MDGA2: variants seen among roughly 807,000 people sequenced by gnomAD.
The protein encoded by MDGA2 is MAM domain containing glycosylphosphatidylinositol anchor 2, also known as MAM domain-containing glycosylphosphatidylinositol anchor protein 2.
A neutral mutation model predicts 117.8 loss-of-function variants in MDGA2; 40 were observed. That is an observed-to-expected ratio of 0.34 (90% confidence interval 0.26 to 0.44). The LOEUF (loss-of-function observed/expected upper bound fraction) is 0.44, where lower values mean the gene tolerates loss of function less well. Among genes scored for constraint, MDGA2 ranks in the 20% least tolerant of loss-of-function variants. MDGA2 has a pLI of 1.00. For synonymous variants in MDGA2, 452 were observed against 439.0 expected, an observed-to-expected ratio of 1.03 and a Z score of -0.37; for missense variants, 1,123 against 1,250.6, an observed-to-expected ratio of 0.90 and a Z score of 1.54.
At chr14:46,876,409 A>T (rs950704517) in intron 12 of MDGA2, among the ~76,000 whole-genome samples, 2 of 151,584 alleles carry the variant, frequency 1.3e-5, no homozygotes, top group Admixed American at 6.6e-5. Flanking sequence ...ATGATAACGC[A>T]ATGAGCTGTA....
intron 1 of MDGA2, among the ~76,000 whole-genome samples, chr14:47,670,711 C>T (rs1033121918): frequency 3.9e-5 from 6 of 152,102 alleles, no homozygotes; most frequent in Non-Finnish European, 7.4e-5. Flanking sequence ...AAATTAATAA[C>T]GTGAAAAATA....
At position 46,855,978 on chromosome 14, in the gene MDGA2, C is replaced by CTGTA. The variant is rs1350497861; in HGVS notation, c.2753-828_2753-825dup. On this transcript the variant is annotated intron_variant, in intron 14 of 16. Coordinates refer to ENST00000399232, the MANE Select transcript of MDGA2 (RefSeq NM_001113498.3). This position sits in a 1 kb window ranked among gnomAD's most constrained non-coding sequence, Gnocchi z 4.1. ...ATCTCTCTTTCAATAGTTTAATGTG[C>CTGTA]TGTACACAGTAATGATATTAATGAT... Among the ~76,000 whole-genome samples, 5 of 151,910 alleles carry CTGTA rather than the reference C, an allele frequency of 3.3e-5. No individual in the cohort carries two copies. The highest frequency in any genetic ancestry group is 3.3e-4 in the Admixed American group (5 of 15,232).
intron 2 of MDGA2, among the ~76,000 whole-genome samples, chr14:47,237,380 A>G (rs1374181160): frequency 1.3e-5 from 2 of 152,168 alleles, no homozygotes; most frequent in Non-Finnish European, 2.9e-5. Context: ...ACTTACCTTT[A>G]TACCTCTGAA....
chr14:47,112,339 C>T lies in MDGA2; in HGVS notation c.926-15216G>A, dbSNP rs1454337361. ...CATGGTGGTTTTCTGCACCTATAAA[C>T]CCATCACCTAGGTATTAAGCCTGGC... is the stretch of plus-strand genomic sequence containing the variant. On this transcript the variant is annotated intron_variant, in intron 5 of 16. Coordinates refer to ENST00000399232, the MANE Select transcript of MDGA2 (RefSeq NM_001113498.3). 3.9e-5 allele frequency among the ~76,000 whole-genome samples: 6 copies of T among 152,208 alleles called. No individual in the cohort carries two copies. The East Asian group carries it at 1.2e-3, about 29-fold the overall frequency.
At chr14:47,088,589 T>C (rs1890994661) in intron 6 of MDGA2, among the ~76,000 whole-genome samples, 1 of 152,196 alleles carries the variant, frequency 6.6e-6, no homozygotes, top group Non-Finnish European at 1.5e-5. Flanking sequence ...TAATTTATAT[T>C]CAGAAATGCA....
At chr14:47,658,613 C>A (rs1212569241) in intron 1 of MDGA2, among the ~76,000 whole-genome samples, 4 of 152,076 alleles carry the variant, frequency 2.6e-5, no homozygotes, top group African/African-American at 9.7e-5. Context: ...CAGATATGAG[C>A]AACAAAAGCT....
chr14:47,216,601 T>G (rs979107377), intron 3 of MDGA2, among the ~76,000 whole-genome samples: 1 of 152,164 alleles, frequency 6.6e-6, no homozygotes, highest in Non-Finnish European at 1.5e-5. Flanking sequence ...TCAGAAGTTT[T>G]TAGATTTTAC....
At chr14:47,223,945 T>C (rs1886388714) in intron 2 of MDGA2, among the ~76,000 whole-genome samples, 1 of 152,096 alleles carries the variant, frequency 6.6e-6, no homozygotes, top group Non-Finnish European at 1.5e-5. Context: ...TCAGATCTTA[T>C]GAGGATTCAC....
At chr14:47,347,626 T>C in intron 1 of MDGA2, among the ~76,000 whole-genome samples, 1 of 152,112 alleles carries the variant, frequency 6.6e-6, no homozygotes, top group East Asian at 1.9e-4. Flanking sequence ...CATGTTAAGT[T>C]TGAAATGTTT....
intron 3 of MDGA2, among the ~76,000 whole-genome samples, chr14:47,159,438 C>G (rs1328744167): frequency 1.3e-5 from 2 of 152,198 alleles, no homozygotes; most frequent in Admixed American, 1.3e-4. Context: ...TGAATGTTTT[C>G]TAATTTAGTC....
intron 13 of MDGA2, 49 bp from the exon 14 acceptor site, chr14:46,873,640 A>G (rs767268370): frequency 1.6e-5 from 24 of 1,509,488 alleles, no homozygotes; most frequent in Non-Finnish European, 2.0e-5. Flanking sequence ...CTTAGGCATA[A>G]TGAAATTTCA....
intron 3 of MDGA2, among the ~76,000 whole-genome samples, chr14:47,189,277 C>T (rs1256717897): frequency 6.6e-6 from 1 of 151,982 alleles, no homozygotes; most frequent in African/African-American, 2.4e-5. Flanking sequence ...ACTATATGAA[C>T]AATTTTATCG....
At chr14:46,844,505 C>T (rs1304083284) in intron 16 of MDGA2, among the ~76,000 whole-genome samples, 1 of 151,958 alleles carries the variant, frequency 6.6e-6, no homozygotes, top group Non-Finnish European at 1.5e-5. Context: ...CACTTGAACC[C>T]GGGAGGCGGA....
At position 47,057,365 on chromosome 14, in the gene MDGA2, G is replaced by C. The variant is rs544582620; in HGVS notation, c.1525+3884C>G. Among the ~76,000 whole-genome samples, 3 of 152,000 alleles carry C rather than the reference G, an allele frequency of 2.0e-5. No individual in the cohort carries two copies. The East Asian group carries it at 5.8e-4, about 29-fold the overall frequency. ...GTAATCTGTCTTGATGATTTAGATT[G>C]TAAGCTCCTTAAGGGCAAGGCCTAT... On this transcript the variant is annotated intron_variant, in intron 7 of 16. Coordinates refer to ENST00000399232, the MANE Select transcript of MDGA2 (RefSeq NM_001113498.3).
intron 1 of MDGA2, among the ~76,000 whole-genome samples, chr14:47,524,395 A>T (rs1894929574): frequency 6.6e-6 from 1 of 152,212 alleles, no homozygotes; most frequent in East Asian, 1.9e-4. Flanking sequence ...TACACTGACA[A>T]CTGAAACAGA....
At chr14:47,265,228 TTGTAATACAGTAAAAGAATTA>T (rs1194977481) in intron 2 of MDGA2, among the ~76,000 whole-genome samples, 1 of 152,140 alleles carries the variant, frequency 6.6e-6, no homozygotes, top group East Asian at 1.9e-4. Context: ...TCAAAAGCAT[TTGTAATACAGTAAAAGAATTA>T]TGAAGTGATT....
intron 1 of MDGA2, among the ~76,000 whole-genome samples, chr14:47,363,211 C>G (rs1048930508): frequency 6.6e-6 from 1 of 151,878 alleles, no homozygotes; most frequent in African/African-American, 2.4e-5. Flanking sequence ...GCTTGACTAT[C>G]TGGGTTGTAT....
chr14:47,144,566 A>G (rs959073981), intron 3 of MDGA2, among the ~76,000 whole-genome samples: 2 of 152,176 alleles, frequency 1.3e-5, no homozygotes, highest in Middle Eastern at 3.2e-3. Context: ...AAAATTTACA[A>G]CACTCAAATT....
chr14:47,364,766 C>T (rs1240005984), intron 1 of MDGA2, among the ~76,000 whole-genome samples: 1 of 152,194 alleles, frequency 6.6e-6, no homozygotes, highest in East Asian at 1.9e-4. Context: ...TGATGCTAAT[C>T]TGCATTGTAC....
Sources: gnomAD v4.1 joint callset for allele counts (sites outside exome capture counted in the v4.1 genomes callset) on GRCh38, gnomAD v4.1.1 for gene constraint, Gnocchi (gnomAD v3.1) non-coding constraint, MANE v1.5 for transcripts, NCBI Gene and HGNC (gene_info 2026-07-23, HGNC 2026-07-21) for gene names.